CEP112: variants seen among roughly 807,000 people sequenced by gnomAD.
CEP112 encodes the protein centrosomal protein 112, also known as centrosomal protein of 112 kDa.
In CEP112, 127 loss-of-function variants were observed where a neutral mutation model predicts 153.0. That is an observed-to-expected ratio of 0.83 (90% CI 0.72 to 0.96). The LOEUF (loss-of-function observed/expected upper bound fraction) is 0.96. Ranked by LOEUF, CEP112 falls within the 40% of genes least tolerant of loss-of-function variation. The pLI, the probability that CEP112 is intolerant of heterozygous loss-of-function variation, is 0.00. For missense variants in CEP112, 1,089 were observed against 1,101.2 expected (o/e 0.99, Z 0.16); for synonymous variants, 358 against 374.4 (o/e 0.96, Z 0.51).
At chr17:65,669,571 T>C (rs1200529475) in intron 24 of CEP112, among the ~76,000 whole-genome samples, 1 of 151,934 alleles carries the variant, frequency 6.6e-6, no homozygotes, top group African/African-American at 2.4e-5. Flanking sequence ...AGGCCTAAAA[T>C]CAGAAGACAA....
chr17:65,649,073 A>AACAC (rs71158400), intron 24 of CEP112, among the ~76,000 whole-genome samples: 4,984 of 139,362 alleles, frequency 0.036, 134 homozygotes, highest in Non-Finnish European at 0.054. Context: ...CAAACAAACA[A>AACAC]ACACACACAC....
intron 12 of CEP112, among the ~76,000 whole-genome samples, chr17:66,040,494 C>T (rs200210353): frequency 3.7e-4 from 50 of 133,460 alleles, no homozygotes; most frequent in East Asian, 8.6e-4. Flanking sequence ...CCCTTTTTTT[C>T]TTTTTTTTTT....
intron 24 of CEP112, among the ~76,000 whole-genome samples, chr17:65,653,728 C>T (rs1229383858): frequency 6.6e-6 from 1 of 152,026 alleles, no homozygotes; most frequent in African/African-American, 2.4e-5. Context: ...AACGTTTTTG[C>T]ATAGGCTTTT....
intron 17 of CEP112, among the ~76,000 whole-genome samples, chr17:65,968,090 A>G (rs1599177758): frequency 6.6e-6 from 1 of 152,202 alleles, no homozygotes; most frequent in Non-Finnish European, 1.5e-5. Flanking sequence ...ATGTAGTATT[A>G]TATCAGTATA....
intron 6 of CEP112, among the ~76,000 whole-genome samples, chr17:66,118,013 G>T (rs1309777690): frequency 6.6e-6 from 1 of 152,168 alleles, no homozygotes; most frequent in African/African-American, 2.4e-5. Context: ...GGCAATAAAG[G>T]ATGCTGACGA....
At chr17:65,640,134 G>A (rs1454447639) in intron 25 of CEP112, among the ~76,000 whole-genome samples, 9 of 119,210 alleles carry the variant, frequency 7.5e-5, no homozygotes, top group South Asian at 4.8e-4. Flanking sequence ...CACTGCACCC[G>A]ACCATATATA....
chr17:65,950,850 T>A (rs899980064), intron 18 of CEP112, among the ~76,000 whole-genome samples: 2 of 152,042 alleles, frequency 1.3e-5, no homozygotes, highest in Non-Finnish European at 2.9e-5. Context: ...TCTTCCAACA[T>A]TAATTTTATT....
intron 23 of CEP112, among the ~76,000 whole-genome samples, chr17:65,731,386 C>T (rs1488783669): frequency 2.6e-5 from 4 of 152,038 alleles, no homozygotes; most frequent in Non-Finnish European, 4.4e-5. Flanking sequence ...AATGTATATA[C>T]CTTAATTAAA....
chr17:65,894,852 A>C (rs1037930468), intron 20 of CEP112, among the ~76,000 whole-genome samples: 1 of 152,146 alleles, frequency 6.6e-6, no homozygotes, highest in Admixed American at 6.6e-5. Flanking sequence ...CTATATTCCG[A>C]AGAAAATATT....
At chr17:65,998,332 G>A (rs931865645) in intron 17 of CEP112, among the ~76,000 whole-genome samples, 3 of 134,754 alleles carry the variant, frequency 2.2e-5, no homozygotes, top group East Asian at 2.2e-4. Context: ...GCAGTGAGCC[G>A]AGATCAGCCC....
At chr17:66,160,669 A>C (rs1369682018) in intron 4 of CEP112, among the ~76,000 whole-genome samples, 1 of 152,202 alleles carries the variant, frequency 6.6e-6, no homozygotes, top group Non-Finnish European at 1.5e-5. Context: ...CCTTCCTTAC[A>C]TCTTATACAA....
chr17:65,814,096 G>T (rs1295321833), intron 21 of CEP112, among the ~76,000 whole-genome samples: 1 of 152,114 alleles, frequency 6.6e-6, no homozygotes, highest in Non-Finnish European at 1.5e-5. Context: ...CATGAAAAGT[G>T]AAAGCTTAAA....
rs113249315 is a variant in CEP112 at position 65,699,927 on chromosome 17, G to A, written c.2608-10709C>T. Among the ~76,000 whole-genome samples the A allele has an allele frequency of 8.6e-3, 1,306 of 152,238 alleles. 17 individuals are homozygous for A. The highest frequency in any genetic ancestry group is 0.03 in the African/African-American group (1,226 of 41,534). On this transcript the variant is annotated intron_variant, in intron 23 of 26. Transcript: ENST00000535342. ...GAGACTTGTTCTCTGCAAGGTCAGC[G>A]ATGATTCTCTTACTGATGATCCAGT...
At chr17:65,923,467 C>T (rs2060805556) in intron 19 of CEP112, among the ~76,000 whole-genome samples, 1 of 152,150 alleles carries the variant, frequency 6.6e-6, no homozygotes, top group Admixed American at 6.5e-5. Context: ...ACTGCTCAAG[C>T]CCTGGAGTTC....
At chr17:65,641,581 T>C (rs2045135060) in intron 24 of CEP112, among the ~76,000 whole-genome samples, 1 of 152,042 alleles carries the variant, frequency 6.6e-6, no homozygotes, top group African/African-American at 2.4e-5. Flanking sequence ...TGGGCATCTC[T>C]AAAAATATAT....
chr17:66,025,409 C>T (rs2065159204), intron 16 of CEP112, among the ~76,000 whole-genome samples: 1 of 151,818 alleles, frequency 6.6e-6, no homozygotes, highest in East Asian at 1.9e-4. Flanking sequence ...CCAGAATTTA[C>T]AAGGAACTCA....
chr17:65,663,828 C>T (rs962663412), intron 24 of CEP112, among the ~76,000 whole-genome samples: 5 of 152,088 alleles, frequency 3.3e-5, no homozygotes, highest in African/African-American at 9.7e-5. Context: ...GGGCAGATCA[C>T]GAGGTCAGGA....
chr17:65,926,483 T>C (rs182228961), intron 19 of CEP112, among the ~76,000 whole-genome samples: 50 of 152,120 alleles, frequency 3.3e-4, no homozygotes, highest in Admixed American at 2.0e-3. Flanking sequence ...GAGGCTGAGG[T>C]GGGCAGATCA....
rs750021051 is a variant in CEP112, at chr17:65,934,859, G to A, written c.1873-7170C>T. On this transcript the variant is annotated intron_variant, in intron 18 of 26. Transcript: ENST00000535342. ...TTGACTCACAGTTCAGCATGGCTGC[G>A]GAGGCCTCAGGAAATTTACAATCAT... Among the ~76,000 whole-genome samples the A allele has an allele frequency of 1.6e-4, 25 of 152,290 alleles. 1 individual carries two copies. Among genetic ancestry groups the A allele is most frequent in the Admixed American group, 5.9e-4 (9 of 15,296 alleles).
Sources: gnomAD v4.1 joint callset for allele counts (sites outside exome capture counted in the v4.1 genomes callset) on GRCh38, gnomAD v4.1.1 for gene constraint, MANE v1.5 for transcripts, NCBI Gene and HGNC (gene_info 2026-07-23, HGNC 2026-07-21) for gene names.